GLP2R: variants seen among roughly 807,000 people sequenced by gnomAD.
GLP2R encodes the protein glucagon like peptide 2 receptor, also known as glucagon-like peptide 2 receptor.
In GLP2R, 59 loss-of-function variants were observed where a neutral mutation model predicts 68.2. The ratio of observed to expected loss-of-function variants is 0.87; its 90% CI spans 0.70 to 1.07. GLP2R has a LOEUF of 1.07. GLP2R is among the 50% of genes least tolerant of loss of function. GLP2R has a pLI of 0.00. For synonymous variants in GLP2R, 270 were observed against 265.4 expected (o/e 1.02, Z -0.17); for missense variants, 548 against 677.4 (o/e 0.81, Z 2.12).
chr17:9,889,077 AG>A (rs1262672833), intron 12 of GLP2R, among the ~76,000 whole-genome samples: 1 of 152,156 alleles, frequency 6.6e-6, no homozygotes, highest in East Asian at 1.9e-4. Flanking sequence ...ATCTTCATGC[AG>A]GGGGCTCCTC....
At chr17:9,848,868 T>C (rs1338438987) in intron 4 of GLP2R, among the ~76,000 whole-genome samples, 1 of 33,718 alleles carries the variant, frequency 3.0e-5, no homozygotes, top group Non-Finnish European at 4.2e-5. Context: ...TAAAGGAGAT[T>C]GTGTGTGTGT....
intron 5 of GLP2R, 110 bp downstream of exon 5, chr17:9,854,711 C>A: frequency 1.4e-6 from 1 of 731,996 alleles, no homozygotes; most frequent in Non-Finnish European, 2.5e-6. Flanking sequence ...AGGGGTAGAA[C>A]GAAACATAGT....
intron 12 of GLP2R, among the ~76,000 whole-genome samples, chr17:9,888,202 G>T (rs1163851750): frequency 2.0e-5 from 3 of 152,166 alleles, no homozygotes; most frequent in Admixed American, 6.5e-5. Context: ...AGCCAGCACT[G>T]GCTCTGCTGG....
In GLP2R at chr17:9,889,977, A is replaced by C; in HGVS notation, c.*272A>C. The C allele has an allele frequency of 3.7e-6, 2 of 534,998 alleles. No homozygotes were observed. The highest frequency in any genetic ancestry group is 7.2e-6 in the Non-Finnish European group (2 of 278,416). 33.1% of individuals were successfully genotyped at this position (534,998 alleles called of 1,614,324 possible). On this transcript the variant is annotated 3_prime_UTR_variant, in exon 13 of 13. Coordinates refer to ENST00000262441, the MANE Select transcript of GLP2R (RefSeq NM_004246.3). ...ACCAGACCCTAGGGCCTGGCTCTAA[A>C]TTCAAGCCAATGAAGTCCCACCATG... is the stretch of plus-strand genomic sequence containing the variant.
intron 4 of GLP2R, among the ~76,000 whole-genome samples, chr17:9,845,938 C>T (rs1216581206): frequency 6.6e-6 from 1 of 152,132 alleles, no homozygotes; most frequent in African/African-American, 2.4e-5. Context: ...AAGTTATTTA[C>T]ATATCCTTTT....
chr17:9,826,157 T>C lies in GLP2R; in HGVS notation c.94T>C (p.Trp32Arg), dbSNP rs956592949. The change falls in exon 1 of 13, where the codon TGG becomes CGG. Residue 32 changes from tryptophan (W) to arginine (R), a missense_variant. Physicochemically the swap from Trp to Arg is moderately radical, Grantham distance 101 (BLOSUM62 -3). Coordinates refer to ENST00000262441, the MANE Select transcript of GLP2R (RefSeq NM_004246.3). ...GCTGCCCATGGGCATCCCTGCCCCC[T>C]GGGGGACCAGTCCTCTCTCCTTCCA... ...HELPMGIPAP[W>R]GTSPLSFHRK... The C allele has an allele frequency of 6.2e-7, 1 of 1,612,846 alleles. No homozygotes were observed. The highest frequency in any genetic ancestry group is 1.3e-5 in the African/African-American group (1 of 74,912).
chr17:9,885,148 TTTA>T (rs3073992), intron 11 of GLP2R, among the ~76,000 whole-genome samples: 9,014 of 143,284 alleles, frequency 0.063, 494 homozygotes, highest in East Asian at 0.18. Context: ...TAGTAACCAT[TTTA>T]TTATTATTAT....
chr17:9,836,433 G>A lies in GLP2R; in HGVS notation c.340G>A (p.Val114Ile). The A allele has an allele frequency of 1.2e-6, 2 of 1,612,002 alleles. No individual in the cohort carries two copies. Among genetic ancestry groups the A allele is most frequent in the Middle Eastern group, 1.7e-4 (1 of 6,056 alleles). ...TTGGCCTCATTCTTCTCCTGGAAAT[G>A]TCTCTGTACCCTGCCCTTCATACTT... ...VCWPHSSPGN[V>I]SVPCPSYLPW... Residue 114 changes from valine (V) to isoleucine (I), a missense_variant, in exon 3 of 13, where the codon GTC becomes ATC. Val to Ile is a conservative substitution (Grantham distance 29). Transcript: ENST00000262441.
chr17:9,835,969 G>A (rs2066726000), intron 2 of GLP2R, among the ~76,000 whole-genome samples: 3 of 149,934 alleles, frequency 2.0e-5, no homozygotes, highest in Admixed American at 6.7e-5. Flanking sequence ...AGCCTGGGAC[G>A]TGGAGGTTGC....
At chr17:9,862,163 T>G in intron 9 of GLP2R, 73 bp downstream of exon 9, 1 of 1,068,436 alleles carries the variant, frequency 9.4e-7, no homozygotes, top group Non-Finnish European at 1.5e-6. Context: ...CCCACCCGAC[T>G]TCTGTCCCCC....
intron 6 of GLP2R, among the ~76,000 whole-genome samples, chr17:9,857,955 C>A (rs983477890): frequency 2.0e-5 from 3 of 152,226 alleles, no homozygotes; most frequent in Non-Finnish European, 4.4e-5. Context: ...AGGGTGATTG[C>A]GTCTGACCTG....
intron 5 of GLP2R, among the ~76,000 whole-genome samples, chr17:9,857,109 G>A (rs8075986): frequency 0.59 from 89,379 of 151,724 alleles, 27,320 homozygotes; most frequent in East Asian, 0.76. Context: ...ATTAGTAGAG[G>A]TGGGGTTTCA....
At chr17:9,845,748 C>CGTGTGTGTGTGTGT (rs60266643) in intron 4 of GLP2R, among the ~76,000 whole-genome samples, 1 of 148,352 alleles carries the variant, frequency 6.7e-6, no homozygotes, top group Admixed American at 6.8e-5. Context: ...TGTGTGTGTG[C>CGTGTGTGTGTGTGT]GTGTGTGTGT....
At chr17:9,882,352 G>A (rs4791375) in intron 11 of GLP2R, among the ~76,000 whole-genome samples, 104,412 of 152,146 alleles carry the variant, frequency 0.69, 37,054 homozygotes, top group African/African-American at 0.87. Flanking sequence ...GAAAAAACAT[G>A]CTGATGGGCT....
intron 2 of GLP2R, among the ~76,000 whole-genome samples, chr17:9,836,137 T>A (rs910238104): frequency 2.7e-5 from 4 of 147,584 alleles, no homozygotes; most frequent in African/African-American, 1.0e-4. Context: ...TGACCGGAGG[T>A]CAAGTTGGGC....
chr17:9,844,667 T>C (rs1181338445), intron 4 of GLP2R, among the ~76,000 whole-genome samples: 1 of 121,508 alleles, frequency 8.2e-6, no homozygotes, highest in Non-Finnish European at 1.6e-5. Flanking sequence ...ACTACCTAAT[T>C]CTTTTTTTTT....
chr17:9,826,892 G>C (rs908030714), intron 1 of GLP2R, among the ~76,000 whole-genome samples: 1 of 152,054 alleles, frequency 6.6e-6, no homozygotes, highest in East Asian at 1.9e-4. Context: ...TGTTTTTTGA[G>C]ATGGGGTCTC....
chr17:9,873,573 T>TTTTTTTTTTTTTTTTTC, intron 10 of GLP2R, among the ~76,000 whole-genome samples: 1 of 144,458 alleles, frequency 6.9e-6, no homozygotes, highest in Non-Finnish European at 1.5e-5. Context: ...TTTTTTTTTT[T>TTTTTTTTTTTTTTTTTC]TTTTTTAGCT....
rs1425048773 is a variant in GLP2R, at chr17:9,885,160, A to ATTC, written c.1285-2770_1285-2769insCTT. On this transcript the variant is annotated intron_variant, in intron 11 of 12. Coordinates refer to ENST00000262441, the MANE Select transcript of GLP2R (RefSeq NM_004246.3). ...AAATAGTAACCATTTTATTATTATT[A>ATTC]TTATTATTATTATTATTATTATTAT... 5.4e-5 allele frequency among the ~76,000 whole-genome samples: 8 copies of ATTC among 147,558 alleles called. No homozygotes were observed. In the East Asian group the frequency reaches 5.9e-4, roughly 11 times the overall value.
Sources: allele counts gnomAD v4.1 joint callset (sites outside exome capture counted in the v4.1 genomes callset), GRCh38; gene constraint gnomAD v4.1.1; transcripts MANE v1.5; gene names NCBI Gene and HGNC (gene_info 2026-07-23, HGNC 2026-07-21).